Variants in MERTK observed in about 807,000 individuals in gnomAD.
The protein encoded by MERTK is MER proto-oncogene, tyrosine kinase.
MERTK carries 69 observed loss-of-function variants against 99.3 expected under a neutral mutation model. The ratio of observed to expected loss-of-function variants is 0.70; its 90% CI spans 0.57 to 0.85. The LOEUF is 0.85. Ranked by LOEUF, MERTK falls within the 40% of genes least tolerant of loss-of-function variation. The pLI, the probability that MERTK is intolerant of heterozygous loss-of-function variation, is 0.00. For synonymous variants in MERTK, 426 were observed against 467.6 expected, an observed-to-expected ratio of 0.91 and a Z score of 1.15; for missense variants, 1,125 against 1,249.4, an observed-to-expected ratio of 0.90 and a Z score of 1.50.
At chr2:112,008,894 T>A (rs1321067728) in intron 14 of MERTK, 9 of 279,630 alleles carry the variant, frequency 3.2e-5, no homozygotes, top group African/African-American at 6.6e-5. Flanking sequence ...TTAACCTGTT[T>A]GAAAGTACTG....
chr2:111,907,410 G>A (rs566812987), intron 1 of MERTK, among the ~76,000 whole-genome samples: 7 of 152,228 alleles, frequency 4.6e-5, no homozygotes, highest in South Asian at 4.1e-4. Context: ...GTAAAACTCC[G>A]TATCAAAAAA....
At position 111,947,390 on chromosome 2, in the gene MERTK, G is replaced by A. The variant is rs371370579; in HGVS notation, c.584-4G>A. On this transcript the variant is annotated splice_polypyrimidine_tract_variant and splice_region_variant and intron_variant, in intron 3 of 18. Coordinates refer to ENST00000295408, the MANE Select transcript of MERTK (RefSeq NM_006343.3). Reference sequence around the variant, plus strand: ...CATTCTTTTGTGTAACGTTTTCTCCGCAGGACTTCCTCACTTTACTAAGCA... The same window carrying A: ...CATTCTTTTGTGTAACGTTTTCTCCACAGGACTTCCTCACTTTACTAAGCA... 21 of 1,612,868 alleles carry A rather than the reference G, an allele frequency of 1.3e-5. No individual in the cohort carries two copies. The highest frequency in any genetic ancestry group is 6.7e-5 in the African/African-American group (5 of 74,536).
At chr2:111,917,941 TG>T (rs1684383900) in intron 1 of MERTK, among the ~76,000 whole-genome samples, 3 of 152,046 alleles carry the variant, frequency 2.0e-5, no homozygotes. Flanking sequence ...CTTAACCATT[TG>T]TAAGTGTAGA....
At chr2:112,015,108 C>A (rs1301745863) in intron 15 of MERTK, among the ~76,000 whole-genome samples, 5 of 152,090 alleles carry the variant, frequency 3.3e-5, no homozygotes, top group Admixed American at 2.6e-4. Flanking sequence ...TGGGTTGTTT[C>A]TAGGTTTTAG....
chr2:111,967,708 T>A (rs1445950546), intron 5 of MERTK, among the ~76,000 whole-genome samples: 1 of 152,148 alleles, frequency 6.6e-6, no homozygotes, highest in Non-Finnish European at 1.5e-5. Context: ...AGGGCGCTCT[T>A]ATTCTTGGTT....
rs190557998 is a variant in MERTK, at chr2:112,014,729, G to A, written c.2079+4663G>A. Reference sequence around the variant, plus strand: ...TGGCTCACTGCCACCTATGCCTCCCGGGTTCTAGCAATTCTCCTGCCTTAG... The same window carrying A: ...TGGCTCACTGCCACCTATGCCTCCCAGGTTCTAGCAATTCTCCTGCCTTAG... On this transcript the variant is annotated intron_variant, in intron 15 of 18. Coordinates refer to ENST00000295408, the MANE Select transcript of MERTK (RefSeq NM_006343.3). Among the ~76,000 whole-genome samples the A allele has an allele frequency of 3.8e-3, 580 of 151,848 alleles. 4 individuals are homozygous for A. Among genetic ancestry groups the A allele is most frequent in the African/African-American group, 0.012 (484 of 41,384 alleles).
chr2:112,019,550 G>A (rs751239435), intron 16 of MERTK, 28 bp downstream of exon 16: 2 of 1,528,018 alleles, frequency 1.3e-6, no homozygotes, highest in East Asian at 2.2e-5. Context: ...TCCTGGAAGG[G>A]TTTGGACCTC....
intron 2 of MERTK, among the ~76,000 whole-genome samples, chr2:111,943,700 C>A (rs1684904767): frequency 6.6e-6 from 1 of 152,150 alleles, no homozygotes; most frequent in African/African-American, 2.4e-5. Flanking sequence ...AGAGACCTTA[C>A]AAAATGATGG....
At chr2:111,996,124 A>G (rs1486366426) in intron 9 of MERTK, 2 of 154,396 alleles carry the variant, frequency 1.3e-5, no homozygotes, top group Non-Finnish European at 2.9e-5. Flanking sequence ...AACCTGGCCA[A>G]CGTGGGGAAG....
chr2:112,019,782 A>G (rs1216263245), intron 16 of MERTK, among the ~76,000 whole-genome samples: 1 of 152,188 alleles, frequency 6.6e-6, no homozygotes, highest in Non-Finnish European at 1.5e-5. Context: ...GTAGGAATGC[A>G]AGGTGTGACC....
At chr2:111,961,395 T>G (rs982498412) in intron 4 of MERTK, among the ~76,000 whole-genome samples, 1 of 151,848 alleles carries the variant, frequency 6.6e-6, no homozygotes, top group African/African-American at 2.4e-5. Flanking sequence ...TCTCCTGACC[T>G]CCGCCCGCCT....
intron 13 of MERTK, among the ~76,000 whole-genome samples, chr2:112,008,049 T>C (rs1004297808): frequency 4.6e-5 from 7 of 152,176 alleles, no homozygotes; most frequent in South Asian, 2.1e-4. Flanking sequence ...TACTGATACA[T>C]TATTATTAAC....
In MERTK at chr2:112,008,367, C is replaced by T; in HGVS notation, c.1868-16C>T. On this transcript the variant is annotated splice_polypyrimidine_tract_variant and intron_variant, in intron 13 of 18. Coordinates refer to ENST00000295408, the MANE Select transcript of MERTK (RefSeq NM_006343.3). ...GTAAATTATCCATACTTAACCTTTT[C>T]TATTTTCTCCTCTAGTGGACAACTC... 6.2e-7 allele frequency: 1 copy of T among 1,600,204 alleles called. No homozygotes were observed. The highest frequency in any genetic ancestry group is 8.6e-7 in the Non-Finnish European group (1 of 1,167,414).
intron 1 of MERTK, among the ~76,000 whole-genome samples, chr2:111,905,643 T>C (rs1684124126): frequency 6.6e-6 from 1 of 151,816 alleles, no homozygotes; most frequent in Non-Finnish European, 1.5e-5. Context: ...AATTTTTGTA[T>C]TTTTTAGTAG....
chr2:111,929,051 G>T lies in MERTK; in HGVS notation c.62-69G>T, dbSNP rs139304616. 18 of 1,571,850 alleles carry T rather than the reference G, an allele frequency of 1.1e-5. No homozygotes were observed. In the Admixed American group the frequency reaches 3.0e-4, roughly 26 times the overall value. ...CCAGTGCTCTCTCTTCTTGGCCTAA[G>T]AAGTTGGGAACCTACTTGGGAAACT... On this transcript the variant is annotated intron_variant, in intron 1 of 18. Transcript: ENST00000295408.
chr2:112,002,220 A>G (rs1676883787), intron 11 of MERTK, among the ~76,000 whole-genome samples: 1 of 152,008 alleles, frequency 6.6e-6, no homozygotes, highest in African/African-American at 2.4e-5. Flanking sequence ...ACTATATTAT[A>G]TATTTTATTA....
At chr2:111,914,148 A>G (rs1308224998) in intron 1 of MERTK, among the ~76,000 whole-genome samples, 1 of 123,738 alleles carries the variant, frequency 8.1e-6, no homozygotes, top group East Asian at 2.3e-4. Context: ...TCTGTCACCC[A>G]GGCTGGAGTG....
chr2:111,991,261 G>A (rs748603705), intron 8 of MERTK, among the ~76,000 whole-genome samples: 2 of 152,082 alleles, frequency 1.3e-5, no homozygotes, highest in Admixed American at 6.6e-5. Flanking sequence ...GTTTTGAAAC[G>A]GAGTCTCAGG....
intron 7 of MERTK, among the ~76,000 whole-genome samples, chr2:111,981,938 G>T (rs1393712682): frequency 4.6e-5 from 7 of 152,124 alleles, no homozygotes; most frequent in Non-Finnish European, 4.4e-5. Flanking sequence ...ACAGGTTTAT[G>T]CTGGAGAACA....
Sources: gnomAD v4.1 joint callset for allele counts (sites outside exome capture counted in the v4.1 genomes callset) on GRCh38, gnomAD v4.1.1 for gene constraint, MANE v1.5 for transcripts, NCBI Gene and HGNC (gene_info 2026-07-23, HGNC 2026-07-21) for gene names.